Variants in C6orf89 observed in about 807,000 individuals in gnomAD.
C6orf89 encodes bombesin receptor-activated protein C6orf89.
A neutral mutation model predicts 40.7 loss-of-function variants in C6orf89; 29 were observed. That is an observed-to-expected ratio of 0.71 (90% CI 0.53 to 0.97). The LOEUF (loss-of-function observed/expected upper bound fraction) is 0.97. Ranked by LOEUF, C6orf89 falls within the 50% of genes least tolerant of loss-of-function variation. The pLI, the probability that C6orf89 is intolerant of heterozygous loss-of-function variation, is 0.00. For synonymous variants in C6orf89, 165 were observed against 152.2 expected (o/e 1.08, Z -0.62); for missense variants, 392 against 429.1 (o/e 0.91, Z 0.76).
chr6:36,916,344 T>C, intron 6 of C6orf89, 101 bp from the exon 7 acceptor site: 1 of 1,422,212 alleles, frequency 7.0e-7, no homozygotes. Context: ...TTTCCCTCTT[T>C]ACCCACCGCC....
At chr6:36,912,597 T>A (rs961110978) in intron 4 of C6orf89, among the ~76,000 whole-genome samples, 1 of 152,188 alleles carries the variant, frequency 6.6e-6, no homozygotes, top group African/African-American at 2.4e-5. Context: ...CAGGTGGTAC[T>A]AAAGGGTTTT....
At chr6:36,914,152 T>G in intron 4 of C6orf89, 132 bp from the exon 5 acceptor site, 1 of 876,954 alleles carries the variant, frequency 1.1e-6, no homozygotes, top group South Asian at 1.9e-5. Context: ...AGAGTGAGAC[T>G]CTGTCTCAAA....
chr6:36,911,490 C>A (rs1762122452), intron 4 of C6orf89, among the ~76,000 whole-genome samples: 1 of 150,732 alleles, frequency 6.6e-6, no homozygotes, highest in African/African-American at 2.4e-5. Flanking sequence ...ACTCCATCTC[C>A]AAAAAAAATA....
At chr6:36,892,226 T>C (rs1761232278) in intron 1 of C6orf89, among the ~76,000 whole-genome samples, 1 of 152,126 alleles carries the variant, frequency 6.6e-6, no homozygotes. Context: ...GAAAGCAAGG[T>C]TTCTTGACCT....
chr6:36,914,260 T>C (rs1762233068), intron 4 of C6orf89, 24 bp from the exon 5 acceptor site: 1 of 1,598,020 alleles, frequency 6.3e-7, no homozygotes, highest in Non-Finnish European at 8.5e-7. Flanking sequence ...GTATCTGTTT[T>C]CTCCATATCC....
intron 6 of C6orf89, among the ~76,000 whole-genome samples, chr6:36,915,411 A>G (rs1415246787): frequency 6.6e-6 from 1 of 152,164 alleles, no homozygotes; most frequent in Non-Finnish European, 1.5e-5. Flanking sequence ...AACTCTGGAA[A>G]GTAGGAATGA....
intron 1 of C6orf89, chr6:36,874,776 G>A (rs377121384): frequency 1.9e-5 from 30 of 1,613,988 alleles, no homozygotes; most frequent in Non-Finnish European, 2.3e-5. Context: ...CCGCCATAGC[G>A]AAGCCGGCGG....
intron 4 of C6orf89, among the ~76,000 whole-genome samples, chr6:36,904,238 T>G (rs1013889118): frequency 6.6e-6 from 1 of 152,256 alleles, no homozygotes; most frequent in Non-Finnish European, 1.5e-5. Flanking sequence ...ACTGCTCGCT[T>G]CTTCTCTAAA....
chr6:36,918,940 C>T (rs1056912875), intron 7 of C6orf89, among the ~76,000 whole-genome samples: 1 of 152,148 alleles, frequency 6.6e-6, no homozygotes, highest in African/African-American at 2.4e-5. Context: ...AAATCAGAGG[C>T]CAGTCTTAGT....
chr6:36,902,672 A>G (rs1277993406), intron 4 of C6orf89, among the ~76,000 whole-genome samples: 4 of 152,184 alleles, frequency 2.6e-5, no homozygotes, highest in Non-Finnish European at 5.9e-5. Flanking sequence ...AGCCAAATAC[A>G]CACCCCCAAA....
chr6:36,894,553 C>T lies in C6orf89; in HGVS notation c.-70C>T. On this transcript the variant is annotated 5_prime_UTR_variant, in exon 2 of 9. It introduces an in-frame stop codon into an upstream open reading frame of the 5' UTR. Transcript: ENST00000480824. ...CAGTTCTCAGCCGCTCAGTTGTGAT[C>T]AAGGGACACGTGGTTTCCGAACTGC... 1.0e-6 allele frequency: 1 copy of T among 985,366 alleles called. No homozygotes were observed. The highest frequency in any genetic ancestry group is 1.7e-5 in the African/African-American group (1 of 57,320). The allele number at this position is 985,366 out of a possible 1,614,324, so 61.0% of individuals were successfully genotyped here.
At position 36,919,636 on chromosome 6, in the gene C6orf89, T is replaced by TC; in HGVS notation, c.887dup (p.Pro297SerfsTer69). The TC allele has an allele frequency of 6.2e-7, 1 of 1,614,138 alleles. No homozygotes were observed. The highest frequency in any genetic ancestry group is 8.5e-7 in the Non-Finnish European group (1 of 1,179,994). On this transcript the variant is annotated frameshift_variant, in exon 8 of 9. Coordinates refer to ENST00000480824, the MANE Select transcript of C6orf89 (RefSeq NM_001286635.2). LOFTEE classifies it high-confidence loss of function. ...AGCGGTGAGGCCATGTTGCAGCTCA[T>TC]CCCTCCCTTCCAGTGCCGAAGACAT...
In C6orf89 at chr6:36,927,201, A is replaced by T. The variant is rs1762708975; in HGVS notation, c.*3760A>T. On this transcript the variant is annotated 3_prime_UTR_variant, in exon 9 of 9. Transcript: ENST00000480824. ...TTGGAGTTTACATCACTTGTTTTTC[A>T]ATTCTTGGTTTTCTGTTCCCTTCTA... 1 of 152,188 alleles carries T rather than the reference A, an allele frequency of 6.6e-6. No individual in the cohort carries two copies. The highest frequency in any genetic ancestry group is 2.1e-4 in the South Asian group (1 of 4,832). The allele number at this position is 152,188 out of a possible 1,614,324, so 9.4% of individuals were successfully genotyped here. A position where few individuals can be genotyped will look rare whatever the true frequency, so the allele number is the denominator to read the frequency against.
Position 36,874,054 on chromosome 6 carries a change from C to G in C6orf89, c.-628+2087C>G, listed in dbSNP as rs17552005. On this transcript the variant is annotated intron_variant, in intron 1 of 9. Transcript: ENST00000359359. The stretch of plus-strand genomic sequence containing the variant: ...TGAGACGAGCACACCAGGCTCCAAA[C>G]GAGGTTCTTCCAGTTACTAGCTGTG... Among the ~76,000 whole-genome samples, 19 of 152,268 alleles carry G rather than the reference C, an allele frequency of 1.2e-4. No homozygotes were observed. In the East Asian group the frequency reaches 2.1e-3, roughly 17 times the overall value.
At chr6:36,873,844 G>A (rs1774574306) in intron 1 of C6orf89, among the ~76,000 whole-genome samples, 1 of 152,008 alleles carries the variant, frequency 6.6e-6, no homozygotes, top group South Asian at 2.1e-4. Context: ...GGTAGACAAG[G>A]GCCAGATGAA....
intron 1 of C6orf89, among the ~76,000 whole-genome samples, chr6:36,890,238 G>A (rs1329582006): frequency 6.6e-6 from 1 of 152,106 alleles, no homozygotes; most frequent in Non-Finnish European, 1.5e-5. Context: ...TGTATAGTAG[G>A]TCTCTAGGAG....
At chr6:36,885,503 G>A (rs1169993955), upstream of C6orf89, among the ~76,000 whole-genome samples, 1 of 152,168 alleles carries the variant, frequency 6.6e-6, no homozygotes, top group Non-Finnish European at 1.5e-5. Context: ...AACAGAGTAA[G>A]CTCTCACTAA....
intron 8 of C6orf89, among the ~76,000 whole-genome samples, chr6:36,922,088 G>A (rs903804227): frequency 2.0e-5 from 3 of 152,190 alleles, no homozygotes; most frequent in Non-Finnish European, 4.4e-5. Context: ...TGTAATCCCA[G>A]CACTTGGGGA....
At position 36,928,371 on chromosome 6, in the gene C6orf89, C is replaced by T. The variant is rs1226555943; in HGVS notation, c.*4930C>T. 1 of 152,596 alleles carries T rather than the reference C, an allele frequency of 6.6e-6. No homozygotes were observed. Among genetic ancestry groups the T allele is most frequent in the East Asian group, 1.9e-4 (1 of 5,196 alleles). 9.5% of individuals were successfully genotyped at this position (152,596 alleles called of 1,614,324 possible). On this transcript the variant is annotated 3_prime_UTR_variant, in exon 9 of 9. Coordinates refer to ENST00000480824, the MANE Select transcript of C6orf89 (RefSeq NM_001286635.2). Reference sequence around the variant, plus strand: ...AGGCTTCATTGACACCATCGCTCCCCACAGCAGCTCCTTGGGGCAGGGGGC... The same window carrying T: ...AGGCTTCATTGACACCATCGCTCCCTACAGCAGCTCCTTGGGGCAGGGGGC...
Sources: allele counts gnomAD v4.1 joint callset (sites outside exome capture counted in the v4.1 genomes callset), GRCh38; gene constraint gnomAD v4.1.1; transcripts MANE v1.5; gene names NCBI Gene and HGNC (gene_info 2026-07-23, HGNC 2026-07-21).